KIRREL3: variants seen among roughly 807,000 people sequenced by gnomAD.
KIRREL3 encodes the protein kin of IRRE-like protein 3.
KIRREL3 carries 36 observed loss-of-function variants against 89.7 expected under a neutral mutation model. The observed-to-expected ratio is 0.40, with a 90% CI of 0.31 to 0.53. The LOEUF is 0.53. KIRREL3 is among the 20% of genes least tolerant of loss of function. The pLI is 0.49. For missense variants in KIRREL3, 864 were observed against 1,056.6 expected (o/e 0.82, Z 2.53); for synonymous variants, 445 against 441.4 (o/e 1.01, Z -0.10).
chr11:126,858,349 A>G (rs1944599805), intron 1 of KIRREL3, among the ~76,000 whole-genome samples: 1 of 152,188 alleles, frequency 6.6e-6, no homozygotes, highest in Non-Finnish European at 1.5e-5. Flanking sequence ...TTCTTAATAC[A>G]CTAAAGATCC....
rs1943684611 is a variant in KIRREL3, at chr11:126,624,120, A to G, written c.56-61208T>C. On this transcript the variant is annotated intron_variant, in intron 1 of 16. Transcript: ENST00000525144. The surrounding 1 kb of genome is among the most constrained non-coding windows in gnomAD (Gnocchi z 6.0). ...TAGTGCTTTGAGATCCCTGGAAGAC[A>G]GGTCAGGCAACTAACAAGGAAAATG... Among the ~76,000 whole-genome samples, 1 of 152,188 alleles carries G rather than the reference A, an allele frequency of 6.6e-6. No homozygotes were observed. The highest frequency in any genetic ancestry group is 2.1e-4 in the South Asian group (1 of 4,830).
intron 5 of KIRREL3, among the ~76,000 whole-genome samples, chr11:126,470,494 C>T (rs911602025): frequency 1.3e-5 from 2 of 152,178 alleles, no homozygotes; most frequent in African/African-American, 4.8e-5. Flanking sequence ...CCTGGAGTGA[C>T]CTCTTGGCAG....
chr11:126,700,461 A>G (rs954922067), intron 1 of KIRREL3, among the ~76,000 whole-genome samples: 4 of 152,230 alleles, frequency 2.6e-5, no homozygotes, highest in Non-Finnish European at 5.9e-5. Context: ...ACATACAATT[A>G]TTAGATTGGT....
At chr11:126,792,982 A>G (rs1242501929) in intron 1 of KIRREL3, among the ~76,000 whole-genome samples, 1 of 152,130 alleles carries the variant, frequency 6.6e-6, no homozygotes, top group Non-Finnish European at 1.5e-5. Context: ...GGGTTCACAG[A>G]TGGCCATTTC....
chr11:126,821,351 A>ATGTGTG lies in KIRREL3; in HGVS notation c.55+179103_55+179104insCACACA, dbSNP rs1555047585. ...ACAGTATATATATATATATATATAT[A>ATGTGTG]TGTAACTTCCAACCAACATCCCTTC... On this transcript the variant is annotated intron_variant, in intron 1 of 16. Transcript: ENST00000525144. 8.9e-4 allele frequency among the ~76,000 whole-genome samples: 93 copies of ATGTGTG among 104,820 alleles called. 1 individual carries two copies. Among genetic ancestry groups the ATGTGTG allele is most frequent in the Middle Eastern group, 0.011 (2 of 188 alleles). 68.8% of individuals were successfully genotyped at this position (104,820 alleles called of 152,430 possible).
chr11:126,456,574 C>T lies in KIRREL3; in HGVS notation c.743-120G>A, dbSNP rs149605053. 674 of 660,706 alleles carry T rather than the reference C, an allele frequency of 1.0e-3. 3 individuals are homozygous for T. In the Middle Eastern group the frequency reaches 0.026, roughly 25 times the overall value. The allele number at this position is 660,706 out of a possible 1,614,324, so 40.9% of individuals were successfully genotyped here. A position where few individuals can be genotyped will look rare whatever the true frequency, so the allele number is the denominator to read the frequency against. On this transcript the variant is annotated intron_variant, in intron 6 of 16. Transcript: ENST00000525144. ...CCAGGGACCCTCAGAGCAGCCCCCG[C>T]CCTGGTGGTCTTCAGGAAGCTGGGG...
rs75884264 is a variant in KIRREL3 at position 126,491,388 on chromosome 11, A to C, written c.434-17922T>G. 0.036 allele frequency among the ~76,000 whole-genome samples: 5,408 copies of C among 152,256 alleles called. 293 individuals are homozygous for C. The highest frequency in any genetic ancestry group is 0.12 in the African/African-American group (5,025 of 41,530). On this transcript the variant is annotated intron_variant, in intron 4 of 16. Coordinates refer to ENST00000525144, the MANE Select transcript of KIRREL3 (RefSeq NM_032531.4). This position sits in a 1 kb window ranked among gnomAD's most constrained non-coding sequence, Gnocchi z 5.5. ...GGACACTTGCTCTCAGGGGGAAAGA[A>C]AGCGCCCTCTCTTCCTGCAGGGCTG...
chr11:126,505,927 A>G (rs947952892), intron 4 of KIRREL3, among the ~76,000 whole-genome samples: 1 of 152,144 alleles, frequency 6.6e-6, no homozygotes, highest in East Asian at 1.9e-4. Context: ...TCCAGCAACC[A>G]TTTTTTTGCA....
At chr11:126,822,806 G>A (rs138886123) in intron 1 of KIRREL3, among the ~76,000 whole-genome samples, 25 of 152,178 alleles carry the variant, frequency 1.6e-4, no homozygotes, top group Non-Finnish European at 4.4e-5. Flanking sequence ...CTCTCTCCAC[G>A]GCCTCTCCAA....
Position 126,776,597 on chromosome 11 carries a change from G to A in KIRREL3, c.56-213685C>T, listed in dbSNP as rs1950176218. 6.6e-6 allele frequency among the ~76,000 whole-genome samples: 1 copy of A among 152,216 alleles called. No individual in the cohort carries two copies. Among genetic ancestry groups the A allele is most frequent in the East Asian group, 1.9e-4 (1 of 5,194 alleles). On this transcript the variant is annotated intron_variant, in intron 1 of 16. Coordinates refer to ENST00000525144, the MANE Select transcript of KIRREL3 (RefSeq NM_032531.4). This position sits in a 1 kb window ranked among gnomAD's most constrained non-coding sequence, Gnocchi z 4.7. ...AGTCCTTCTCTAGCAATAAGACCTA[G>A]CATGACTCAAAAGCTTGCAGAAACA...
At chr11:126,934,287 C>T (rs1370199588) in intron 1 of KIRREL3, among the ~76,000 whole-genome samples, 2 of 152,044 alleles carry the variant, frequency 1.3e-5, no homozygotes, top group Non-Finnish European at 2.9e-5. Context: ...TAGACCCTGG[C>T]CTCATACCAC....
At chr11:126,933,527 T>C (rs1463159177) in intron 1 of KIRREL3, among the ~76,000 whole-genome samples, 2 of 151,306 alleles carry the variant, frequency 1.3e-5, no homozygotes, top group Admixed American at 1.3e-4. Context: ...CTGTCTTTAT[T>C]TGTAGATTAT....
rs148980883 is a variant in KIRREL3 at position 126,742,438 on chromosome 11, C to T, written c.56-179526G>A. Among the ~76,000 whole-genome samples the T allele has an allele frequency of 6.6e-6, 1 of 152,272 alleles. No homozygotes were observed. Among genetic ancestry groups the T allele is most frequent in the African/African-American group, 2.4e-5 (1 of 41,548 alleles). On this transcript the variant is annotated intron_variant, in intron 1 of 16. Coordinates refer to ENST00000525144, the MANE Select transcript of KIRREL3 (RefSeq NM_032531.4). This position sits in a 1 kb window ranked among gnomAD's most constrained non-coding sequence, Gnocchi z 5.3. ...ATAATATGGAATGGCCAACATGAAG[C>T]AGAAGTCAATCTCTTCGTCAGGCTG...
rs1949175056 is a variant in KIRREL3, at chr11:126,747,023, C to T, written c.56-184111G>A. ...TCCAGGGTATATTCTGAAGCATAGA[C>T]ATGCTTCTGCCATCTTGGCTTAAAA... On this transcript the variant is annotated intron_variant, in intron 1 of 16. Coordinates refer to ENST00000525144, the MANE Select transcript of KIRREL3 (RefSeq NM_032531.4). The surrounding 1 kb of genome is among the most constrained non-coding windows in gnomAD (Gnocchi z 4.7). Among the ~76,000 whole-genome samples the T allele has an allele frequency of 6.6e-6, 1 of 152,208 alleles. No homozygotes were observed. The highest frequency in any genetic ancestry group is 2.4e-5 in the African/African-American group (1 of 41,464).
At chr11:126,873,205 T>C (rs907008889) in intron 1 of KIRREL3, among the ~76,000 whole-genome samples, 4 of 152,224 alleles carry the variant, frequency 2.6e-5, no homozygotes, top group African/African-American at 9.7e-5. Context: ...ATAAAATACC[T>C]GCAGGTATAA....
chr11:126,460,953 G>A (rs1956519835), intron 6 of KIRREL3, among the ~76,000 whole-genome samples: 1 of 152,230 alleles, frequency 6.6e-6, no homozygotes, highest in Admixed American at 6.5e-5. Context: ...AAGAAGCGAG[G>A]GTGGTGGTGG....
At chr11:126,707,246 C>CTTTTTT (rs33983436) in intron 1 of KIRREL3, among the ~76,000 whole-genome samples, 2 of 112,604 alleles carry the variant, frequency 1.8e-5, no homozygotes, top group African/African-American at 3.2e-5. Flanking sequence ...TTGTCCATGG[C>CTTTTTT]TTTTTTTTTT....
chr11:126,509,864 G>T (rs937490110), intron 4 of KIRREL3, among the ~76,000 whole-genome samples: 1 of 151,852 alleles, frequency 6.6e-6, no homozygotes, highest in African/African-American at 2.4e-5. Context: ...GGGCGTGGTG[G>T]TGCACATCTG....
At position 126,526,826 on chromosome 11, in the gene KIRREL3, T is replaced by C; in HGVS notation, c.134-139A>G. The C allele has an allele frequency of 1.1e-6, 1 of 918,206 alleles. No homozygotes were observed. Among genetic ancestry groups the C allele is most frequent in the Non-Finnish European group, 1.6e-6 (1 of 607,954 alleles). The allele number at this position is 918,206 out of a possible 1,614,324, so 56.9% of individuals were successfully genotyped here. A position where few individuals can be genotyped will look rare whatever the true frequency, so the allele number is the denominator to read the frequency against. ...GCACCTGGCTTTCCTGCTGAGGGTC[T>C]GGTAGAGCTTCCTAACTGGTCTCAG... On this transcript the variant is annotated intron_variant, in intron 2 of 16. Coordinates refer to ENST00000525144, the MANE Select transcript of KIRREL3 (RefSeq NM_032531.4). The surrounding 1 kb of genome is among the most constrained non-coding windows in gnomAD (Gnocchi z 5.7).
Sources: allele counts gnomAD v4.1 joint callset (sites outside exome capture counted in the v4.1 genomes callset), GRCh38; gene constraint gnomAD v4.1.1; non-coding constraint Gnocchi (gnomAD v3.1); transcripts MANE v1.5; gene names NCBI Gene and HGNC (gene_info 2026-07-23, HGNC 2026-07-21).